Variants in GPATCH2L observed in about 807,000 individuals in gnomAD.
The protein encoded by GPATCH2L is G patch domain-containing protein 2-like.
GPATCH2L carries 31 observed loss-of-function variants against 57.4 expected under a neutral mutation model. The ratio of observed to expected loss-of-function variants is 0.54; its 90% CI spans 0.41 to 0.73. GPATCH2L has a LOEUF of 0.73. GPATCH2L is among the 30% of genes least tolerant of loss of function. The pLI, the probability that GPATCH2L is intolerant of heterozygous loss-of-function variation, is 0.00. For missense variants in GPATCH2L, 481 were observed against 599.9 expected (o/e 0.80, Z 2.07); for synonymous variants, 199 against 210.7 (o/e 0.94, Z 0.48).
intron 5 of GPATCH2L, chr14:76,175,046 T>G (rs914580406): frequency 6.6e-6 from 1 of 152,240 alleles, no homozygotes; most frequent in Admixed American, 6.5e-5. Context: ...AGCTTATTGT[T>G]AACAGGGATA....
rs936619515 is a variant in GPATCH2L at position 76,208,458 on chromosome 14, A to C, written c.*6607A>C. 1 of 152,032 alleles carries C rather than the reference A, an allele frequency of 6.6e-6. No individual in the cohort carries two copies. Among genetic ancestry groups the C allele is most frequent in the Non-Finnish European group, 1.5e-5 (1 of 67,980 alleles). 9.4% of individuals were successfully genotyped at this position (152,032 alleles called of 1,614,324 possible). On this transcript the variant is annotated 3_prime_UTR_variant, in exon 10 of 10. Transcript: ENST00000261530. ...CTCCTGTTGTCAGCAGCTTATTGCA[A>C]ACTGGCCATTCTAAACCCTTTTACC...
At chr14:76,196,076 A>C (rs776766868) in intron 9 of GPATCH2L, 104 bp downstream of exon 9, 1 of 883,006 alleles carries the variant, frequency 1.1e-6, no homozygotes, top group Non-Finnish European at 1.9e-6. Flanking sequence ...AGTGTAGGTC[A>C]TTTTATTCCC....
Position 76,172,399 on chromosome 14 carries a change from G to A in GPATCH2L, c.904+380G>A, listed in dbSNP as rs1051773859. Among the ~76,000 whole-genome samples the A allele has an allele frequency of 2.0e-5, 3 of 152,306 alleles. No homozygotes were observed. In the South Asian group the frequency reaches 6.2e-4, roughly 32 times the overall value. ...ATACATATTCTTATTTTCAGTAAGA[G>A]TATTCACATATAATGGTGTTTTTAA... On this transcript the variant is annotated intron_variant, in intron 4 of 9. Transcript: ENST00000261530.
At chr14:76,173,983 A>G (rs1314672926) in intron 5 of GPATCH2L, 25 of 310,164 alleles carry the variant, frequency 8.1e-5, no homozygotes, top group Non-Finnish European at 9.9e-5. Context: ...TCTTGAATTC[A>G]TGAATGCATC....
At position 76,207,737 on chromosome 14, in the gene GPATCH2L, A is replaced by AT. The variant is rs2040395229; in HGVS notation, c.*5887dup. On this transcript the variant is annotated 3_prime_UTR_variant, in exon 10 of 10. Coordinates refer to ENST00000261530, the MANE Select transcript of GPATCH2L (RefSeq NM_017926.4). Reference sequence around the variant, plus strand: ...TTGCAGGGGTTGGAGACCAATAGCGATGTCATGCTTTTTGGTTGTTGTTAT... The same window carrying AT: ...TTGCAGGGGTTGGAGACCAATAGCGATTGTCATGCTTTTTGGTTGTTGTTAT... 1 of 152,156 alleles carries AT rather than the reference A, an allele frequency of 6.6e-6. No individual in the cohort carries two copies. The highest frequency in any genetic ancestry group is 1.5e-5 in the Non-Finnish European group (1 of 68,034). The allele number at this position is 152,156 out of a possible 1,614,324, so 9.4% of individuals were successfully genotyped here.
chr14:76,167,375 G>A (rs962427313), intron 3 of GPATCH2L, among the ~76,000 whole-genome samples: 1 of 152,106 alleles, frequency 6.6e-6, no homozygotes, highest in Non-Finnish European at 1.5e-5. Flanking sequence ...ATTTTATGTA[G>A]CCTTTTTGGA....
At chr14:76,193,771 A>G (rs1263594330) in intron 8 of GPATCH2L, among the ~76,000 whole-genome samples, 1 of 152,084 alleles carries the variant, frequency 6.6e-6, no homozygotes, top group Admixed American at 6.6e-5. Flanking sequence ...TGGTGTTAAC[A>G]TTTTTTCTGA....
intron 4 of GPATCH2L, 127 bp downstream of exon 4, chr14:76,172,146 A>C: frequency 1.9e-6 from 1 of 532,942 alleles, no homozygotes; most frequent in South Asian, 4.0e-5. Context: ...AGCTAGCTCA[A>C]GGATTTTCTA....
intron 2 of GPATCH2L, among the ~76,000 whole-genome samples, chr14:76,163,298 A>G (rs561033144): frequency 2.0e-5 from 3 of 152,320 alleles, no homozygotes; most frequent in East Asian, 1.9e-4. Flanking sequence ...TGCTTAGTAT[A>G]TTACCTGGCC....
intron 9 of GPATCH2L, among the ~76,000 whole-genome samples, chr14:76,199,189 A>T (rs2121072): frequency 0.22 from 34,098 of 152,168 alleles, 4,520 homozygotes; most frequent in African/African-American, 0.37. Flanking sequence ...AAAAGGTTTA[A>T]AAGTTTTAAA....
chr14:76,227,705 T>C (rs1425177152), intron 1 of GPATCH2L, among the ~76,000 whole-genome samples: 1 of 134,350 alleles, frequency 7.4e-6, no homozygotes, highest in Non-Finnish European at 1.6e-5. Context: ...TATGAATGCA[T>C]TGGATAAAGT....
intron 5 of GPATCH2L, 182 bp downstream of exon 5, chr14:76,173,807 G>A: frequency 7.9e-6 from 4 of 506,874 alleles, no homozygotes; most frequent in Non-Finnish European, 1.4e-5. Context: ...ACAAATAAAA[G>A]ATGAAACGTA....
At chr14:76,222,342 C>G (rs375310384) in intron 1 of GPATCH2L, among the ~76,000 whole-genome samples, 2 of 152,196 alleles carry the variant, frequency 1.3e-5, no homozygotes, top group African/African-American at 2.4e-5. Flanking sequence ...CATGGTGGCT[C>G]GTGCCTGTAA....
chr14:76,198,842 A>C (rs2040232606), intron 9 of GPATCH2L, among the ~76,000 whole-genome samples: 1 of 152,198 alleles, frequency 6.6e-6, no homozygotes, highest in South Asian at 2.1e-4. Context: ...ATGAATACCT[A>C]GCCCATAGAA....
At chr14:76,185,219 G>A (rs2039721100) in intron 8 of GPATCH2L, among the ~76,000 whole-genome samples, 1 of 152,144 alleles carries the variant, frequency 6.6e-6, no homozygotes, top group Admixed American at 6.5e-5. Flanking sequence ...GTTTTGGTTT[G>A]GTTGTTTTGG....
Position 76,167,580 on chromosome 14 carries a change from A to AT in GPATCH2L, c.727+858dup, listed in dbSNP as rs202205146. On this transcript the variant is annotated intron_variant, in intron 3 of 9. Coordinates refer to ENST00000261530, the MANE Select transcript of GPATCH2L (RefSeq NM_017926.4). Reference sequence around the variant, plus strand: ...TGTGAGACTTAGCATCCAAGTCCTGATTTTTGGAGAAGGACTGTGGGGCCA... The same window carrying AT: ...TGTGAGACTTAGCATCCAAGTCCTGATTTTTTGGAGAAGGACTGTGGGGCCA... Among the ~76,000 whole-genome samples, 721 of 152,250 alleles carry AT rather than the reference A, an allele frequency of 4.7e-3. 6 individuals carry two copies. The highest frequency in any genetic ancestry group is 0.016 in the African/African-American group (681 of 41,546).
chr14:76,223,915 T>C (rs1251305286), intron 1 of GPATCH2L, among the ~76,000 whole-genome samples: 1 of 152,204 alleles, frequency 6.6e-6, no homozygotes, highest in Non-Finnish European at 1.5e-5. Context: ...TAAAAACTTA[T>C]GTACCCCCAA....
intron 7 of GPATCH2L, chr14:76,178,325 A>G: frequency 1.6e-6 from 2 of 1,242,554 alleles, no homozygotes; most frequent in Non-Finnish European, 2.1e-6. Context: ...AGCAGAAGGT[A>G]GAGCTGCTTT....
intron 1 of GPATCH2L, among the ~76,000 whole-genome samples, chr14:76,226,802 C>T (rs1312390278): frequency 3.9e-5 from 6 of 152,270 alleles, no homozygotes; most frequent in African/African-American, 4.8e-5. Context: ...TCTTTGTAAA[C>T]GACCCAGTCT....
Sources: gnomAD v4.1 joint callset for allele counts (sites outside exome capture counted in the v4.1 genomes callset) on GRCh38, gnomAD v4.1.1 for gene constraint, MANE v1.5 for transcripts, NCBI Gene and HGNC (gene_info 2026-07-23, HGNC 2026-07-21) for gene names.